Variants in MALRD1 observed in about 807,000 individuals in gnomAD.
The protein encoded by MALRD1 is MAM and LDL receptor class A domain containing 1.
In MALRD1, 247 loss-of-function variants were observed where a neutral mutation model predicts 242.1. The ratio of observed to expected loss-of-function variants is 1.02; its 90% CI spans 0.92 to 1.13. The LOEUF (loss-of-function observed/expected upper bound fraction) is 1.13, where lower values mean the gene tolerates loss of function less well. MALRD1 is among the 50% of genes most tolerant of loss of function. The pLI, the probability that MALRD1 is intolerant of heterozygous loss-of-function variation, is 0.00. For missense variants in MALRD1, 2,989 were observed against 2,533.1 expected (o/e 1.18, Z -3.86); for synonymous variants, 995 against 866.6 (o/e 1.15, Z -2.60).
intron 29 of MALRD1, among the ~76,000 whole-genome samples, chr10:19,486,244 A>G (rs559012058): frequency 1.3e-5 from 2 of 152,202 alleles, no homozygotes; most frequent in Non-Finnish European, 2.9e-5. Flanking sequence ...AGTTTCTCCA[A>G]TACTTCACAG....
At chr10:19,723,700 C>A (rs1428909086) in intron 38 of MALRD1, among the ~76,000 whole-genome samples, 1 of 150,554 alleles carries the variant, frequency 6.6e-6, no homozygotes, top group Admixed American at 6.6e-5. Context: ...TATGATCACA[C>A]CACTGTAAAC....
intron 38 of MALRD1, among the ~76,000 whole-genome samples, chr10:19,719,570 G>C (rs1313400536): frequency 6.6e-6 from 1 of 152,048 alleles, no homozygotes; most frequent in African/African-American, 2.4e-5. Flanking sequence ...AGCAGCTGCT[G>C]TATCATGTGA....
At position 19,595,473 on chromosome 10, in the gene MALRD1, T is replaced by C. The variant is rs77423809; in HGVS notation, c.5944+16T>C. ...CTCATCTGCTGTGAGTTATTTTCAC[T>C]AACTCAATGTGTAAGGGAAGGCATG... On this transcript the variant is annotated intron_variant, in intron 34 of 39. Transcript: ENST00000454679. 2.9e-5 allele frequency: 45 copies of C among 1,543,242 alleles called. No individual in the cohort carries two copies. The East Asian group carries it at 8.8e-4, about 30-fold the overall frequency.
chr10:19,415,125 G>A (rs1833460675), intron 28 of MALRD1, among the ~76,000 whole-genome samples: 1 of 152,014 alleles, frequency 6.6e-6, no homozygotes, highest in South Asian at 2.1e-4. Context: ...TTTTGTTGTT[G>A]TTTAAACACC....
At chr10:19,333,252 T>TA (rs1189113189) in intron 24 of MALRD1, among the ~76,000 whole-genome samples, 1 of 152,148 alleles carries the variant, frequency 6.6e-6, no homozygotes, top group Non-Finnish European at 1.5e-5. Context: ...GTCAGCCAGA[T>TA]AGTGAGCATA....
intron 18 of MALRD1, among the ~76,000 whole-genome samples, chr10:19,252,778 T>A (rs1329384583): frequency 6.6e-6 from 1 of 152,048 alleles, no homozygotes; most frequent in Admixed American, 6.6e-5. Context: ...CTCCAATTAT[T>A]CTGCAGCTTT....
At chr10:19,508,392 T>G (rs1833240712) in intron 31 of MALRD1, among the ~76,000 whole-genome samples, 1 of 152,170 alleles carries the variant, frequency 6.6e-6, no homozygotes, top group Non-Finnish European at 1.5e-5. Context: ...TAAAACACTG[T>G]GATGTAAAAC....
intron 14 of MALRD1, among the ~76,000 whole-genome samples, chr10:19,183,276 A>C (rs1835594778): frequency 6.6e-6 from 1 of 152,148 alleles, no homozygotes; most frequent in Non-Finnish European, 1.5e-5. Context: ...TGAAGAATAC[A>C]GAGAAGTAGG....
At chr10:19,408,951 C>A (rs1393088767) in intron 28 of MALRD1, among the ~76,000 whole-genome samples, 1 of 152,184 alleles carries the variant, frequency 6.6e-6, no homozygotes, top group Non-Finnish European at 1.5e-5. Flanking sequence ...AGTTGTTTAT[C>A]CCAGAGAAAT....
intron 21 of MALRD1, among the ~76,000 whole-genome samples, chr10:19,306,429 C>T (rs1294505610): frequency 2.0e-5 from 2 of 97,996 alleles, no homozygotes; most frequent in East Asian, 3.2e-4. Flanking sequence ...TATATAGTGT[C>T]GTATATGTAC....
At chr10:19,382,238 C>T (rs999530402) in intron 26 of MALRD1, among the ~76,000 whole-genome samples, 1 of 152,070 alleles carries the variant, frequency 6.6e-6, no homozygotes, top group Admixed American at 6.6e-5. Flanking sequence ...TTCCTGAATA[C>T]CTGTAAAAAT....
chr10:19,096,956 T>G (rs1020877762), intron 4 of MALRD1, among the ~76,000 whole-genome samples: 5 of 152,232 alleles, frequency 3.3e-5, no homozygotes, highest in Non-Finnish European at 7.3e-5. Context: ...TGAAGCAGGT[T>G]AACTTCTGAG....
At chr10:19,389,190 G>A (rs764412369) in intron 27 of MALRD1, 3 of 547,504 alleles carry the variant, frequency 5.5e-6, no homozygotes, top group South Asian at 1.6e-5. Context: ...TAGCTATCTT[G>A]TTGATGCGAC....
chr10:19,200,859 G>A (rs1473373380), intron 14 of MALRD1, among the ~76,000 whole-genome samples: 1 of 151,908 alleles, frequency 6.6e-6, no homozygotes, highest in African/African-American at 2.4e-5. Context: ...AAAAGCTGCT[G>A]TAGAATCATT....
chr10:19,613,136 G>A (rs944341857), intron 35 of MALRD1, among the ~76,000 whole-genome samples: 24 of 152,018 alleles, frequency 1.6e-4, no homozygotes, highest in African/African-American at 5.5e-4. Context: ...AAGACAAGGA[G>A]CATATCTATG....
chr10:19,696,883 T>C (rs1833404605), intron 38 of MALRD1, among the ~76,000 whole-genome samples: 1 of 152,056 alleles, frequency 6.6e-6, no homozygotes, highest in Non-Finnish European at 1.5e-5. Flanking sequence ...GCCACCACAC[T>C]CCAACCTGGG....
chr10:19,212,212 T>C (rs935473813), intron 18 of MALRD1, among the ~76,000 whole-genome samples: 1 of 152,212 alleles, frequency 6.6e-6, no homozygotes, highest in African/African-American at 2.4e-5. Context: ...TCCAGTTTCC[T>C]GATGCCTCTT....
intron 18 of MALRD1, among the ~76,000 whole-genome samples, chr10:19,255,052 A>C (rs554188241): frequency 1.3e-5 from 2 of 152,102 alleles, no homozygotes; most frequent in Admixed American, 1.3e-4. Context: ...CAAAGTTCCA[A>C]CGTGGTTACC....
upstream of MALRD1, among the ~76,000 whole-genome samples, chr10:19,048,214 T>C (rs1834387502): frequency 6.6e-6 from 1 of 152,214 alleles, no homozygotes; most frequent in African/African-American, 2.4e-5. Context: ...TACCAACTTA[T>C]TGTATTTTCT....
Sources: allele counts gnomAD v4.1 joint callset (sites outside exome capture counted in the v4.1 genomes callset), GRCh38; gene constraint gnomAD v4.1.1; transcripts MANE v1.5; gene names NCBI Gene and HGNC (gene_info 2026-07-23, HGNC 2026-07-21).